GAGE1: variants seen among roughly 807,000 people sequenced by gnomAD.
The protein encoded by GAGE1 is G antigen 1.
In GAGE1, 5 loss-of-function variants were observed where a neutral mutation model predicts 5.0. The observed-to-expected ratio is 1.00, with a 90% CI of 0.52 to 2.11. GAGE1 has a LOEUF of 2.11. Among genes scored for constraint, GAGE1 ranks in the 30% most tolerant of loss-of-function variants. The pLI is 0.01. For missense variants in GAGE1, 9 were observed against 38.9 expected (o/e 0.23, Z 2.04); for synonymous variants, 6 against 14.8 (o/e 0.40, Z 1.37).
chrX:49,608,189 A>G lies in GAGE1; in HGVS notation c.*2174A>G, dbSNP rs1557132407. 9.0e-6 allele frequency: 1 copy of G among 111,728 alleles called. No individual in the cohort carries two copies. The highest frequency in any genetic ancestry group is 3.3e-5 in the African/African-American group (1 of 30,733). 9.2% of individuals were successfully genotyped at this position (111,728 alleles called of 1,213,427 possible). On this transcript the variant is annotated 3_prime_UTR_variant, in exon 5 of 5. Transcript: ENST00000381700. ...AGCATCTACCAAAATGTGGCACACA[A>G]ACCTTGCATGGTGTCTCTAGGGCCT...
intron 3 of GAGE1, among the ~76,000 whole-genome samples, chrX:49,602,383 A>G (rs782026163): frequency 1.3e-5 from 1 of 77,978 alleles, no homozygotes; most frequent in East Asian, 3.7e-4. Flanking sequence ...TGCAGTTATC[A>G]TATATTCTTT....
At chrX:49,605,019 C>G in intron 4 of GAGE1, 1 of 1,015,884 alleles carries the variant, frequency 9.8e-7, no homozygotes, top group African/African-American at 1.9e-5. Context: ...CACTATGTTG[C>G]CCAGACTGGG....
rs782127603 is a variant in GAGE1 at position 49,605,091 on chromosome X, C to A, written c.332-902C>A. 12 of 1,018,334 alleles carry A rather than the reference C, an allele frequency of 1.2e-5. No individual in the cohort carries two copies. The South Asian group carries it at 1.8e-4, about 16-fold the overall frequency. 83.9% of individuals were successfully genotyped at this position (1,018,334 alleles called of 1,213,427 possible). ...CTTTCCCCACGGAAACCTTGAGTGA[C>A]TGAAATATCAAATGGCAAGAGACCG... is the stretch of plus-strand genomic sequence containing the variant. On this transcript the variant is annotated intron_variant, in intron 4 of 4. Transcript: ENST00000381700.
chrX:49,607,895 G>GTACATT lies in GAGE1; in HGVS notation c.*1885_*1886insTTACAT, dbSNP rs2066667903. ...GAATTACTTCTTTGTGCTAGGTTGT[G>GTACATT]TACATGTATGACCTCTTTAGATCCT... On this transcript the variant is annotated 3_prime_UTR_variant, in exon 5 of 5. Transcript: ENST00000381700. 9.0e-6 allele frequency: 1 copy of GTACATT among 111,462 alleles called. No homozygotes were observed. Among genetic ancestry groups the GTACATT allele is most frequent in the Non-Finnish European group, 1.9e-5 (1 of 53,154 alleles). 9.2% of individuals were successfully genotyped at this position (111,462 alleles called of 1,213,427 possible).
In GAGE1 at chrX:49,606,972, C is replaced by G. The variant is rs1208519670; in HGVS notation, c.*957C>G. ...AGTCAATTACGTTGATAAATCTGTACTTTTTAAATTTTAACAATTGAGACA... is the reference window on the plus strand; with the variant it reads ...AGTCAATTACGTTGATAAATCTGTAGTTTTTAAATTTTAACAATTGAGACA... On this transcript the variant is annotated 3_prime_UTR_variant, in exon 5 of 5. Transcript: ENST00000381700. 1 of 111,652 alleles carries G rather than the reference C, an allele frequency of 9.0e-6. No homozygotes were observed. The highest frequency in any genetic ancestry group is 3.3e-5 in the African/African-American group (1 of 30,669). The allele number at this position is 111,652 out of a possible 1,213,427, so 9.2% of individuals were successfully genotyped here. A position where few individuals can be genotyped will look rare whatever the true frequency, so the allele number is the denominator to read the frequency against.
chrX:49,606,703 G>A lies in GAGE1; in HGVS notation c.*688G>A, dbSNP rs1053583151. 2 of 111,959 alleles carry A rather than the reference G, an allele frequency of 1.8e-5. No homozygotes were observed. Among genetic ancestry groups the A allele is most frequent in the African/African-American group, 6.5e-5 (2 of 30,826 alleles). 9.2% of individuals were successfully genotyped at this position (111,959 alleles called of 1,213,427 possible). Reference sequence around the variant, plus strand: ...GAGTAAGTCAAGCCATTCTGTTTTAGTTTGTTGAGAGTGTTCATTTTGAAT... The same window carrying A: ...GAGTAAGTCAAGCCATTCTGTTTTAATTTGTTGAGAGTGTTCATTTTGAAT... On this transcript the variant is annotated 3_prime_UTR_variant, in exon 5 of 5. Transcript: ENST00000381700.
intron 4 of GAGE1, among the ~76,000 whole-genome samples, chrX:49,604,294 G>T (rs1381639161): frequency 8.9e-6 from 1 of 112,580 alleles, no homozygotes; most frequent in Non-Finnish European, 1.9e-5. Context: ...CTGAGTCAAA[G>T]GTATGTTGAA....
chrX:49,605,773 G>A (rs1278307390), intron 4 of GAGE1, among the ~76,000 whole-genome samples: 2 of 110,378 alleles, frequency 1.8e-5, no homozygotes, highest in Non-Finnish European at 3.8e-5. Flanking sequence ...AGCCCTTGTG[G>A]TGGCACGCGC....
Position 49,607,640 on chromosome X carries a change from C to A in GAGE1, c.*1625C>A, listed in dbSNP as rs1037686007. The A allele has an allele frequency of 9.9e-5, 11 of 110,874 alleles. No individual in the cohort carries two copies. The highest frequency in any genetic ancestry group is 3.6e-4 in the African/African-American group (11 of 30,463). 9.1% of individuals were successfully genotyped at this position (110,874 alleles called of 1,213,427 possible). Reference sequence around the variant, plus strand: ...AGGGTCGCGTTCTCTGAAGATGCCTCTTCAATTTGAAAGCTATCTGTTCCT... The same window carrying A: ...AGGGTCGCGTTCTCTGAAGATGCCTATTCAATTTGAAAGCTATCTGTTCCT... On this transcript the variant is annotated 3_prime_UTR_variant, in exon 5 of 5. Transcript: ENST00000381700.
intron 4 of GAGE1, among the ~76,000 whole-genome samples, chrX:49,604,420 A>T (rs1191894477): frequency 1.8e-5 from 2 of 112,598 alleles, no homozygotes; most frequent in African/African-American, 6.4e-5. Context: ...ACTTGGTGTG[A>T]AAAATGCTGA....
In GAGE1 at chrX:49,606,170, C is replaced by T. The variant is rs1207867944; in HGVS notation, c.*155C>T. ...ATTTGATGCTGTGAAATGTTTCATT[C>T]TTTGCAATTTTGTATTCTATCTCCT... On this transcript the variant is annotated 3_prime_UTR_variant, in exon 5 of 5. Coordinates refer to ENST00000381700, the MANE Select transcript of GAGE1 (RefSeq NM_001040663.4). 9.7e-6 allele frequency: 3 copies of T among 308,725 alleles called. No individual in the cohort carries two copies. The Admixed American group carries it at 1.6e-4, about 16-fold the overall frequency. 25.4% of individuals were successfully genotyped at this position (308,725 alleles called of 1,213,427 possible).
chrX:49,605,021 C>G lies in GAGE1; in HGVS notation c.332-972C>G, dbSNP rs373578063. 3.0e-6 allele frequency: 3 copies of G among 1,016,380 alleles called. No homozygotes were observed. In the African/African-American group the frequency reaches 5.8e-5, roughly 20 times the overall value. The allele number at this position is 1,016,380 out of a possible 1,213,427, so 83.8% of individuals were successfully genotyped here. A position where few individuals can be genotyped will look rare whatever the true frequency, so the allele number is the denominator to read the frequency against. ...AGAGATGAGGTCTCACTATGTTGCC[C>G]AGACTGGGATTCTCTGGCTTTTAAT... On this transcript the variant is annotated intron_variant, in intron 4 of 4. Coordinates refer to ENST00000381700, the MANE Select transcript of GAGE1 (RefSeq NM_001040663.4).
chrX:49,604,926 G>T (rs2066643990), intron 4 of GAGE1: 1 of 408,605 alleles, frequency 2.4e-6, no homozygotes, highest in Non-Finnish European at 4.0e-6. Context: ...TCCCACCTCA[G>T]CCTCCTGAGT....
intron 4 of GAGE1, among the ~76,000 whole-genome samples, chrX:49,605,580 C>A (rs369094907): frequency 8.9e-6 from 1 of 111,846 alleles, no homozygotes; most frequent in Non-Finnish European, 1.9e-5. Context: ...AAAACCCAAA[C>A]TGTAGTGTGC....
chrX:49,602,614 A>T (rs1431039069), intron 3 of GAGE1, among the ~76,000 whole-genome samples: 11 of 86,557 alleles, frequency 1.3e-4, no homozygotes, highest in African/African-American at 3.4e-4. Context: ...ATTAATGCTG[A>T]ATTGTTTCGA....
intron 4 of GAGE1, chrX:49,605,262 A>T: frequency 1.1e-5 from 6 of 561,778 alleles, no homozygotes; most frequent in Non-Finnish European, 1.2e-5. Flanking sequence ...CATATGATAT[A>T]ATCATCTCTA....
chrX:49,605,615 A>T (rs1448917011), intron 4 of GAGE1, among the ~76,000 whole-genome samples: 1 of 111,888 alleles, frequency 8.9e-6, no homozygotes, highest in Non-Finnish European at 1.9e-5. Flanking sequence ...GGGCCATCTA[A>T]ATAATCTGTT....
chrX:49,605,263 A>G (rs1175231891), intron 4 of GAGE1: 44 of 569,457 alleles, frequency 7.7e-5, no homozygotes, highest in Admixed American at 3.2e-4. Context: ...ATATGATATA[A>G]TCATCTCTAA....
At chrX:49,602,455 C>T (rs5952541) in intron 3 of GAGE1, among the ~76,000 whole-genome samples, 1 of 77,751 alleles carries the variant, frequency 1.3e-5, no homozygotes, top group East Asian at 3.7e-4. Flanking sequence ...AAGAATAGTA[C>T]AATGAACTCA....
Sources: gnomAD v4.1 joint callset for allele counts (sites outside exome capture counted in the v4.1 genomes callset) on GRCh38, gnomAD v4.1.1 for gene constraint, MANE v1.5 for transcripts, NCBI Gene and HGNC (gene_info 2026-07-23, HGNC 2026-07-21) for gene names.